TNRC6C: variants seen among roughly 807,000 people sequenced by gnomAD.
TNRC6C encodes trinucleotide repeat-containing gene 6C protein.
Under a neutral mutation model 153.7 loss-of-function variants are expected in TNRC6C, and 20 were observed. The observed-to-expected ratio is 0.13, with a 90% CI of 0.09 to 0.19. The LOEUF (loss-of-function observed/expected upper bound fraction) is 0.19. Ranked by LOEUF, TNRC6C falls within the 10% of genes least tolerant of loss-of-function variation. The pLI is 1.00. For missense variants in TNRC6C, 1,987 were observed against 2,172.0 expected (o/e 0.91, Z 1.69); for synonymous variants, 811 against 841.4 (o/e 0.96, Z 0.63).
At position 78,031,393 on chromosome 17, in the gene TNRC6C, C is replaced by T. The variant is rs930998209; in HGVS notation, c.-545-123C>T. 14 of 684,190 alleles carry T rather than the reference C, an allele frequency of 2.0e-5. No individual in the cohort carries two copies. In the African/African-American group the frequency reaches 2.6e-4, roughly 13 times the overall value. 42.4% of individuals were successfully genotyped at this position (684,190 alleles called of 1,614,324 possible). A position where few individuals can be genotyped will look rare whatever the true frequency, so the allele number is the denominator to read the frequency against. Reference sequence around the variant, plus strand: ...TGGAACTCTAGACTTTAGTCCAGTTCTGTTTCCAAAGCACTACATTGTCAT... The same window carrying T: ...TGGAACTCTAGACTTTAGTCCAGTTTTGTTTCCAAAGCACTACATTGTCAT... On this transcript the variant is annotated intron_variant, in intron 1 of 19. Transcript: ENST00000301624.
In TNRC6C at chr17:78,049,732, G is replaced by C; in HGVS notation, c.670G>C (p.Gly224Arg). 1 of 1,593,414 alleles carries C rather than the reference G, an allele frequency of 6.3e-7. No individual in the cohort carries two copies. The highest frequency in any genetic ancestry group is 8.6e-7 in the Non-Finnish European group (1 of 1,168,166). The change falls in exon 3 of 20, where the codon GGC becomes CGC. Residue 224 changes from glycine (G) to arginine (R), a missense_variant. Around this residue, in one of 4 missense-constraint regions of TNRC6C, gnomAD observed 1,052 missense variants for 1,017.0 expected, o/e 1.03. Coordinates refer to ENST00000301624, the Ensembl canonical transcript of TNRC6C. This position sits in a 1 kb window ranked among gnomAD's most constrained non-coding sequence, Gnocchi z 4.1. ...GGCCATCATCCCGCCCCACCTGCAAGGCCTTCCTGGTGCTAATGGATCATC... is the reference window on the plus strand; with the variant it reads ...GGCCATCATCCCGCCCCACCTGCAACGCCTTCCTGGTGCTAATGGATCATC...
rs1347761999 is a variant in TNRC6C at position 78,023,126 on chromosome 17, A to T, written c.-545-8390A>T. ...GGCAACACAGTGAGACTCCGTCTCT[A>T]AAAAAAAAATTAAAAATTAACAACA... On this transcript the variant is annotated intron_variant, in intron 1 of 19. Transcript: ENST00000301624. Among the ~76,000 whole-genome samples the T allele has an allele frequency of 3.3e-5, 5 of 150,062 alleles. No individual in the cohort carries two copies. The South Asian group carries it at 8.4e-4, about 25-fold the overall frequency.
At position 78,036,761 on chromosome 17, in the gene TNRC6C, T is replaced by TA. The variant is rs562816391; in HGVS notation, c.-219+4924dup. On this transcript the variant is annotated intron_variant, in intron 2 of 19. Coordinates refer to ENST00000301624, the Ensembl canonical transcript of TNRC6C. ...CAACATAGCGAAACCCCATCTCTAC[T>TA]AAAAATACAAAAATTAGCTGGGTGT... 1.4e-3 allele frequency among the ~76,000 whole-genome samples: 217 copies of TA among 151,864 alleles called. 1 individual carries two copies. The highest frequency in any genetic ancestry group is 0.014 in the Middle Eastern group (4 of 294).
intron 11 of TNRC6C, 123 bp downstream of exon 13, chr17:78,083,289 GA>G: frequency 7.4e-7 from 1 of 1,344,548 alleles, no homozygotes; most frequent in Non-Finnish European, 1.0e-6. Flanking sequence ...AGACTCTCAT[GA>G]AGTATTTAAA....
At chr17:78,030,152 T>A (rs2072035967) in intron 1 of TNRC6C, among the ~76,000 whole-genome samples, 1 of 151,066 alleles carries the variant, frequency 6.6e-6, no homozygotes, top group African/African-American at 2.4e-5. Flanking sequence ...GTGCTAGACT[T>A]TTTTTTTTGT....
chr17:78,026,172 ATCAC>A (rs2071938450), intron 1 of TNRC6C, among the ~76,000 whole-genome samples: 1 of 152,216 alleles, frequency 6.6e-6, no homozygotes, highest in Non-Finnish European at 1.5e-5. Flanking sequence ...GAGAAAAACA[ATCAC>A]TCCTTCAACA....
At chr17:78,073,747 T>C (rs1487085443) in intron 7 of TNRC6C, among the ~76,000 whole-genome samples, 1 of 152,194 alleles carries the variant, frequency 6.6e-6, no homozygotes, top group Non-Finnish European at 1.5e-5. Flanking sequence ...CCTTGTTTTA[T>C]ATGTTTTTCT....
chr17:78,077,555 A>G lies in TNRC6C; in HGVS notation c.3210+221A>G, dbSNP rs1023538642. ...GTTATATTTATTCTTACACTTAACT[A>G]AAACGTGTTTGAGCTCTCAGCACCC... On this transcript the variant is annotated intron_variant, in intron 9 of 19. Coordinates refer to ENST00000301624, the Ensembl canonical transcript of TNRC6C. 46 of 630,160 alleles carry G rather than the reference A, an allele frequency of 7.3e-5. No homozygotes were observed. In the African/African-American group the frequency reaches 7.7e-4, roughly 11 times the overall value. The allele number at this position is 630,160 out of a possible 1,614,324, so 39.0% of individuals were successfully genotyped here.
chr17:77,981,576 C>T (rs116104548), intron 1 of TNRC6C, among the ~76,000 whole-genome samples: 5 of 152,140 alleles, frequency 3.3e-5, no homozygotes, highest in African/African-American at 4.8e-5. Flanking sequence ...GTTTAAATGT[C>T]CTCAGGTCTT....
In TNRC6C at chr17:78,091,527, TC is replaced by T; in HGVS notation, c.3895del (p.Gln1299SerfsTer32). 6.2e-7 allele frequency: 1 copy of T among 1,608,688 alleles called. No homozygotes were observed. Among genetic ancestry groups the T allele is most frequent in the South Asian group, 1.1e-5 (1 of 89,988 alleles). ...GACCCATCCCAGTCCCAGTCACGCC[TC>T]CCCCAGTGGACGCACCCCAACTCCA... On this transcript the variant is annotated frameshift_variant, in exon 14 of 20. Coordinates refer to ENST00000301624, the Ensembl canonical transcript of TNRC6C. LOFTEE classifies it high-confidence loss of function.
In TNRC6C at chr17:78,075,341, G is replaced by A; in HGVS notation, c.3060+63G>A. On this transcript the variant is annotated intron_variant, in intron 8 of 19. Transcript: ENST00000301624. This position sits in a 1 kb window ranked among gnomAD's most constrained non-coding sequence, Gnocchi z 4.2. ...ACAAGAGGAGTTTTTCATTTCAACT[G>A]TGTCCTTAATACAAGCCAGATTAAA... is the stretch of plus-strand genomic sequence containing the variant. The A allele has an allele frequency of 6.5e-7, 1 of 1,531,828 alleles. No homozygotes were observed. The highest frequency in any genetic ancestry group is 8.8e-7 in the Non-Finnish European group (1 of 1,132,670). The allele number at this position is 1,531,828 out of a possible 1,614,324, so 94.9% of individuals were successfully genotyped here.
chr17:78,008,340 G>C (rs142381243), intron 1 of TNRC6C: 4 of 152,102 alleles, frequency 2.6e-5, no homozygotes, highest in African/African-American at 9.7e-5. Context: ...TTCAAATTCT[G>C]ACCTGTGATA....
At chr17:77,998,615 A>G (rs2071365194) in intron 1 of TNRC6C, among the ~76,000 whole-genome samples, 1 of 152,162 alleles carries the variant, frequency 6.6e-6, no homozygotes, top group Non-Finnish European at 1.5e-5. Context: ...AGCCTATCCA[A>G]TGAAGTTTTA....
rs1182598385 is a variant in TNRC6C, at chr17:78,096,390, T to G, written c.4307-1953T>G. Among the ~76,000 whole-genome samples, 7 of 152,200 alleles carry G rather than the reference T, an allele frequency of 4.6e-5. No homozygotes were observed. The East Asian group carries it at 1.3e-3, about 29-fold the overall frequency. ...GCACAGTTCACCTGTGTGACAAACC[T>G]GCACATGGACTCCCTGAACCCAAAA... On this transcript the variant is annotated intron_variant, in intron 16 of 19. Coordinates refer to ENST00000301624, the Ensembl canonical transcript of TNRC6C.
intron 4 of TNRC6C, chr17:78,066,863 G>C (rs566070896): frequency 6.6e-6 from 1 of 152,170 alleles, no homozygotes; most frequent in Non-Finnish European, 1.5e-5. Flanking sequence ...TGACTGTCAC[G>C]AGTGGACAGG....
At chr17:78,018,416 A>T (rs576388117) in intron 1 of TNRC6C, among the ~76,000 whole-genome samples, 2 of 152,336 alleles carry the variant, frequency 1.3e-5, no homozygotes, top group Non-Finnish European at 2.9e-5. Flanking sequence ...GGCGTGAGCC[A>T]CCATGCCCAG....
chr17:77,985,391 G>C (rs574330141), intron 1 of TNRC6C, among the ~76,000 whole-genome samples: 10 of 151,244 alleles, frequency 6.6e-5, no homozygotes, highest in Non-Finnish European at 7.4e-5. Flanking sequence ...TCAGGAGATC[G>C]AGACCATCTG....
intron 1 of TNRC6C, among the ~76,000 whole-genome samples, chr17:77,963,559 T>G (rs562818717): frequency 4.4e-4 from 67 of 152,344 alleles, no homozygotes; most frequent in African/African-American, 1.6e-3. Context: ...GAGAGCTGTT[T>G]GTTAAGAATG....
At chr17:78,096,386 A>G (rs1015359831) in intron 16 of TNRC6C, among the ~76,000 whole-genome samples, 6 of 152,218 alleles carry the variant, frequency 3.9e-5, no homozygotes, top group African/African-American at 1.2e-4. Flanking sequence ...CTGTGTGACA[A>G]ACCTGCACAT....
Sources: allele counts gnomAD v4.1 joint callset (sites outside exome capture counted in the v4.1 genomes callset), GRCh38; gene constraint gnomAD v4.1.1; regional missense constraint gnomAD v4.1.1; non-coding constraint Gnocchi (gnomAD v3.1); transcripts MANE v1.5; gene names NCBI Gene and HGNC (gene_info 2026-07-23, HGNC 2026-07-21).